The following PTPRT variants were observed in gnomAD, a reference collection of about 807,000 sequenced individuals.
PTPRT encodes protein tyrosine phosphatase receptor type T.
Under a neutral mutation model 176.8 loss-of-function variants are expected in PTPRT, and 56 were observed. That is an observed-to-expected ratio of 0.32 (90% confidence interval 0.26 to 0.40). The LOEUF is 0.40. Ranked by LOEUF, PTPRT falls within the 10% of genes least tolerant of loss-of-function variation. The pLI is 1.00. For synonymous variants in PTPRT, 783 were observed against 739.0 expected, an observed-to-expected ratio of 1.06 and a Z score of -0.96; for missense variants, 1,540 against 1,908.2, an observed-to-expected ratio of 0.81 and a Z score of 3.60.
Position 42,877,086 on chromosome 20 carries a change from A to AT in PTPRT, c.214+8720_214+8721insA, listed in dbSNP as rs552253026. ...CTATGACTATCTTTTAAAAAATACG[A>AT]AGTTTCTGGAATATTGAGAAGCTCA... On this transcript the variant is annotated intron_variant, in intron 2 of 30. Transcript: ENST00000373187. 2.0e-4 allele frequency among the ~76,000 whole-genome samples: 31 copies of AT among 152,260 alleles called. 2 individuals are homozygous for AT. The South Asian group carries it at 6.4e-3, about 32-fold the overall frequency.
chr20:42,739,107 T>C (rs994633787), intron 6 of PTPRT, among the ~76,000 whole-genome samples: 13 of 152,158 alleles, frequency 8.5e-5, no homozygotes, highest in African/African-American at 3.1e-4. Flanking sequence ...TACTAATTGC[T>C]TGCTGTCCTC....
intron 1 of PTPRT, among the ~76,000 whole-genome samples, chr20:43,166,791 T>C (rs1600765584): frequency 6.6e-6 from 1 of 152,132 alleles, no homozygotes; most frequent in Non-Finnish European, 1.5e-5. Context: ...CTTCAAATGG[T>C]TTTGTAAAGT....
Position 42,141,991 on chromosome 20 carries a change from C to G in PTPRT, c.2694G>C (p.Glu898Asp), listed in dbSNP as rs200204389. The G allele has an allele frequency of 6.2e-7, 1 of 1,614,050 alleles. No individual in the cohort carries two copies. The highest frequency in any genetic ancestry group is 1.3e-5 in the African/African-American group (1 of 75,032). The change falls in exon 18 of 31, where the codon GAG (glutamate) becomes GAC (aspartate). Residue 898 changes from glutamate to aspartate, a missense_variant. Physicochemically the swap from Glu to Asp is conservative, Grantham distance 45. Coordinates refer to ENST00000373187, the MANE Select transcript of PTPRT (RefSeq NM_007050.6). ...GFKEEYEALP[E>D]GQTASWDTAK... ...CTGTGTCCCACGAAGCTGTCTGCCC[C>G]TCTGGTAAGGCCTAAAAAGCAAGGA...
At chr20:43,163,016 A>G (rs1261996442) in intron 1 of PTPRT, among the ~76,000 whole-genome samples, 5 of 152,228 alleles carry the variant, frequency 3.3e-5, no homozygotes, top group African/African-American at 1.2e-4. Flanking sequence ...TGGTGAATCC[A>G]CAGTGACCAA....
chr20:43,106,153 T>C (rs991948130), intron 1 of PTPRT, among the ~76,000 whole-genome samples: 1 of 151,766 alleles, frequency 6.6e-6, no homozygotes, highest in Non-Finnish European at 1.5e-5. Flanking sequence ...GGTCAAAGGG[T>C]CTCTCCTCTG....
At chr20:42,653,626 C>A (rs904258973) in intron 7 of PTPRT, among the ~76,000 whole-genome samples, 1 of 152,156 alleles carries the variant, frequency 6.6e-6, no homozygotes, top group Non-Finnish European at 1.5e-5. Flanking sequence ...TTAAGATACA[C>A]CTGCATTCTA....
At chr20:42,496,271 T>C (rs1031716817) in intron 7 of PTPRT, among the ~76,000 whole-genome samples, 2 of 152,098 alleles carry the variant, frequency 1.3e-5, no homozygotes, top group African/African-American at 2.4e-5. Flanking sequence ...GCATACCCCA[T>C]GTAACTTCAC....
At chr20:42,253,287 G>T (rs750086174) in intron 13 of PTPRT, among the ~76,000 whole-genome samples, 2 of 152,128 alleles carry the variant, frequency 1.3e-5, no homozygotes, top group African/African-American at 4.8e-5. Context: ...AATGTGGTGC[G>T]CTTTCCACAG....
intron 15 of PTPRT, among the ~76,000 whole-genome samples, chr20:42,206,026 T>G (rs1347142678): frequency 6.6e-6 from 1 of 152,126 alleles, no homozygotes; most frequent in East Asian, 1.9e-4. Context: ...GCACAGCATG[T>G]AGGATGCAAG....
At chr20:42,604,612 A>G (rs1220756192) in intron 7 of PTPRT, among the ~76,000 whole-genome samples, 1 of 151,868 alleles carries the variant, frequency 6.6e-6, no homozygotes, top group African/African-American at 2.4e-5. Context: ...TCTCATTTTC[A>G]TATTCTTCTC....
intron 1 of PTPRT, among the ~76,000 whole-genome samples, chr20:43,083,349 T>TATATATATATATATATAC: frequency 8.5e-6 from 1 of 117,380 alleles, no homozygotes; most frequent in African/African-American, 3.5e-5. Flanking sequence ...TATATATATA[T>TATATATATATATATATAC]ATATATATAT....
At chr20:42,398,400 A>T (rs1201535699) in intron 9 of PTPRT, among the ~76,000 whole-genome samples, 2 of 152,218 alleles carry the variant, frequency 1.3e-5, no homozygotes, top group Non-Finnish European at 2.9e-5. Flanking sequence ...TACAGCATTG[A>T]GCATAACAGC....
intron 12 of PTPRT, among the ~76,000 whole-genome samples, chr20:42,284,654 C>T (rs888738218): frequency 2.0e-5 from 3 of 151,912 alleles, no homozygotes; most frequent in African/African-American, 7.2e-5. Flanking sequence ...GGTTCAAATT[C>T]CTTTTAGACA....
At chr20:42,761,089 AC>A (rs1267770966) in intron 5 of PTPRT, among the ~76,000 whole-genome samples, 1 of 152,196 alleles carries the variant, frequency 6.6e-6, no homozygotes. Flanking sequence ...TGGTTCTCGA[AC>A]CATGGTCCCC....
chr20:42,883,853 C>T (rs1229273301), intron 2 of PTPRT, among the ~76,000 whole-genome samples: 1 of 1,692 alleles, frequency 5.9e-4, no homozygotes, highest in Non-Finnish European at 1.5e-3. Flanking sequence ...CATAGACACA[C>T]ACCCCCATAG....
intron 1 of PTPRT, among the ~76,000 whole-genome samples, chr20:42,920,131 A>G (rs560338876): frequency 6.6e-6 from 1 of 152,348 alleles, no homozygotes; most frequent in East Asian, 1.9e-4. Flanking sequence ...AAGGATGAAT[A>G]AAGTGAATGA....
intron 7 of PTPRT, among the ~76,000 whole-genome samples, chr20:42,552,608 T>A (rs1022704282): frequency 2.0e-5 from 3 of 152,124 alleles, no homozygotes; most frequent in African/African-American, 7.2e-5. Flanking sequence ...TTTAATCACA[T>A]AAAGGATCAT....
At chr20:42,675,595 C>T (rs2075488467) in intron 7 of PTPRT, among the ~76,000 whole-genome samples, 1 of 152,184 alleles carries the variant, frequency 6.6e-6, no homozygotes, top group East Asian at 1.9e-4. Flanking sequence ...AGCTTATTCA[C>T]ACATAAGTGC....
intron 1 of PTPRT, among the ~76,000 whole-genome samples, chr20:42,911,798 C>T (rs541677873): frequency 6.6e-6 from 1 of 152,086 alleles, no homozygotes; most frequent in South Asian, 2.1e-4. Flanking sequence ...AACAGATATG[C>T]ACATATATTT....
Sources: allele counts gnomAD v4.1 joint callset (sites outside exome capture counted in the v4.1 genomes callset), GRCh38; gene constraint gnomAD v4.1.1; transcripts MANE v1.5; gene names NCBI Gene and HGNC (gene_info 2026-07-23, HGNC 2026-07-21).